Variants in MGAM observed in about 807,000 individuals in gnomAD.
The protein encoded by MGAM is alpha-1,4-glucosidase.
Under a neutral mutation model 358.8 loss-of-function variants are expected in MGAM, and 253 were observed. The observed-to-expected ratio is 0.71, with a 90% CI of 0.64 to 0.78. The LOEUF (loss-of-function observed/expected upper bound fraction) is 0.78. Among genes scored for constraint, MGAM ranks in the 30% least tolerant of loss-of-function variants. The pLI is 0.00. For missense variants in MGAM, 3,080 were observed against 3,432.6 expected, an observed-to-expected ratio of 0.90 and a Z score of 2.57; for synonymous variants, 1,105 against 1,227.1, an observed-to-expected ratio of 0.90 and a Z score of 2.08.
Position 142,025,277 on chromosome 7 carries a change from T to G in MGAM, c.982+128T>G, listed in dbSNP as rs1342105268. 1.6e-5 allele frequency: 11 copies of G among 667,148 alleles called. No individual in the cohort carries two copies. The South Asian group carries it at 1.8e-4, about 11-fold the overall frequency. The allele number at this position is 667,148 out of a possible 1,614,324, so 41.3% of individuals were successfully genotyped here. The stretch of plus-strand genomic sequence containing the variant: ...CATAGTGTAGGGAGGGCCTTATAGA[T>G]TCTCTAATTGTGCTATCCCTACTTC... On this transcript the variant is annotated intron_variant, in intron 8 of 70. Transcript: ENST00000475668.
At chr7:141,997,737 A>G (rs1392506093) in intron 1 of MGAM, among the ~76,000 whole-genome samples, 4 of 152,202 alleles carry the variant, frequency 2.6e-5, no homozygotes, top group Non-Finnish European at 5.9e-5. Context: ...GGCTAGGGTC[A>G]GAGCTGACTC....
rs782083290 is a variant in MGAM, at chr7:142,013,062, C to G, written c.327+4357C>G. 4.6e-5 allele frequency among the ~76,000 whole-genome samples: 7 copies of G among 152,134 alleles called. No homozygotes were observed. In the East Asian group the frequency reaches 1.3e-3, roughly 29 times the overall value. On this transcript the variant is annotated intron_variant, in intron 3 of 70. Coordinates refer to ENST00000475668, the MANE Select transcript of MGAM (RefSeq NM_001365693.1). The stretch of plus-strand genomic sequence containing the variant: ...CAACAGGAACAGCGACAGACTCCAC[C>G]TCTTGACACAAAGTGTGTTAAGAGA...
Position 142,034,812 on chromosome 7 carries a change from C to T in MGAM, c.1930C>T (p.Leu644Phe). ...CCTGAGATGGTCCATCCCTGGCGTG[C>T]TTGAGTTCAACCTTTTTGGCATCCC... ...DDLRWSIPGVLEFNLFGIPMV... is the reference protein window; with the variant it reads ...DDLRWSIPGVFEFNLFGIPMV... The change falls in exon 16 of 71, where the codon CTT becomes TTT. Residue 644 changes from leucine to phenylalanine, a missense_variant. By Grantham distance (22) the Leu-to-Phe change is conservative. Transcript: ENST00000475668. 1 of 1,612,862 alleles carries T rather than the reference C, an allele frequency of 6.2e-7. No individual in the cohort carries two copies. Among genetic ancestry groups the T allele is most frequent in the Non-Finnish European group, 8.5e-7 (1 of 1,179,178 alleles).
intron 4 of MGAM, 32 bp downstream of exon 4, chr7:142,019,351 C>A (rs929713443): frequency 1.9e-6 from 3 of 1,605,952 alleles, no homozygotes; most frequent in Non-Finnish European, 8.5e-7. Flanking sequence ...TGCAGGAGGT[C>A]CAGACCCTCT....
At chr7:142,075,515 TA>T (rs1248918552) in intron 45 of MGAM, among the ~76,000 whole-genome samples, 2 of 146,088 alleles carry the variant, frequency 1.4e-5, no homozygotes, top group Admixed American at 1.4e-4. Context: ...ACAGAATGGA[TA>T]AAAATGTTTG....
chr7:142,049,579 A>C (rs1379220354), intron 22 of MGAM, among the ~76,000 whole-genome samples: 1 of 152,210 alleles, frequency 6.6e-6, no homozygotes, highest in Admixed American at 6.5e-5. Flanking sequence ...TAAAAAAATA[A>C]GGAACTCATG....
Position 142,062,172 on chromosome 7 carries a change from G to C in MGAM, c.4123-396G>C, listed in dbSNP as rs550926857. ...GGAATGACATAGGAGGGAGTCCCTG[G>C]GTGTTTCTTCCTAACCTATTACCAT... On this transcript the variant is annotated intron_variant, in intron 34 of 70. Transcript: ENST00000475668. Among the ~76,000 whole-genome samples the C allele has an allele frequency of 1.2e-4, 18 of 152,210 alleles. No homozygotes were observed. In the East Asian group the frequency reaches 3.5e-3, roughly 29 times the overall value.
At chr7:142,050,200 G>C (rs1810805084) in intron 22 of MGAM, 35 bp from the exon 23 acceptor site, 2 of 1,609,968 alleles carry the variant, frequency 1.2e-6, no homozygotes, top group African/African-American at 2.7e-5. Flanking sequence ...GAGGTGGGCA[G>C]GCCAGAATCT....
intron 2 of MGAM, among the ~76,000 whole-genome samples, chr7:141,987,951 C>T (rs782172146): frequency 1.3e-5 from 2 of 152,070 alleles, no homozygotes; most frequent in Non-Finnish European, 2.9e-5. Flanking sequence ...AAATACCTGC[C>T]TTATCTTAAA....
intron 8 of MGAM, among the ~76,000 whole-genome samples, chr7:142,026,093 A>G (rs1196551518): frequency 2.0e-5 from 3 of 152,130 alleles, no homozygotes; most frequent in African/African-American, 7.2e-5. Flanking sequence ...ACATTGCAAT[A>G]TTTCTTGAGG....
At chr7:142,056,252 T>C (rs963196582) in intron 29 of MGAM, among the ~76,000 whole-genome samples, 156 bp downstream of exon 29, 1 of 152,224 alleles carries the variant, frequency 6.6e-6, no homozygotes, top group African/African-American at 2.4e-5. Flanking sequence ...TCTGTTTATT[T>C]CAATCTAATA....
chr7:142,022,201 T>C, intron 6 of MGAM, 67 bp from the exon 7 acceptor site: 1 of 1,453,150 alleles, frequency 6.9e-7, no homozygotes, highest in Non-Finnish European at 9.3e-7. Context: ...AAGGACGCTT[T>C]TCTAAGCACT....
Position 142,036,808 on chromosome 7 carries a change from C to T in MGAM, c.2077-15C>T. ...TGCAGCCAAACCACAACTGCAAACT[C>T]CTATTTCCTCCCAGGACCAGGATCC... On this transcript the variant is annotated splice_polypyrimidine_tract_variant and intron_variant, in intron 17 of 70. Coordinates refer to ENST00000475668, the MANE Select transcript of MGAM (RefSeq NM_001365693.1). 1 of 1,612,416 alleles carries T rather than the reference C, an allele frequency of 6.2e-7. No homozygotes were observed. The highest frequency in any genetic ancestry group is 8.5e-7 in the Non-Finnish European group (1 of 1,179,034).
In MGAM at chr7:142,031,742, A is replaced by G. The variant is rs1554463854; in HGVS notation, c.1533A>G (p.Thr511=). ...ATCCCAACTGTGCTGTTTGGTGGAC[A>G]AAGGAATTTGAGCTTTTTCACAATC... The part of the protein sequence containing the change: ...YTNPNCAVWW[T]KEFELFHNQV... Residue 511 remains threonine, a synonymous_variant, in exon 13 of 71, where the codon ACA becomes ACG. Transcript: ENST00000475668. 2 of 1,613,370 alleles carry G rather than the reference A, an allele frequency of 1.2e-6. No homozygotes were observed. The highest frequency in any genetic ancestry group is 2.2e-5 in the East Asian group (1 of 44,850).
intron 65 of MGAM, among the ~76,000 whole-genome samples, chr7:142,096,788 A>G (rs1563224586): frequency 6.6e-6 from 1 of 152,208 alleles, no homozygotes; most frequent in Non-Finnish European, 1.5e-5. Context: ...TTGCTTGGCA[A>G]TGTGTGTGTA....
At chr7:142,078,693 A>G in intron 48 of MGAM, 115 bp from the exon 49 acceptor site, 2 of 1,171,454 alleles carry the variant, frequency 1.7e-6, no homozygotes, top group Non-Finnish European at 2.4e-6. Context: ...TTGCCAAGTG[A>G]TAAGTGATAG....
At position 142,040,768 on chromosome 7, in the gene MGAM, C is replaced by A. The variant is rs1563142183; in HGVS notation, c.2420C>A (p.Pro807His). The change falls in exon 21 of 71, where the codon CCT becomes CAT. Residue 807 changes from proline to histidine, a missense_variant. Physicochemically the swap from Pro to His is moderately conservative, Grantham distance 77 (BLOSUM62 -2). Around this residue, in one of 5 missense-constraint regions of MGAM, gnomAD observed 1,816 missense variants for 1,840.5 expected, o/e 0.99. Coordinates refer to ENST00000475668, the MANE Select transcript of MGAM (RefSeq NM_001365693.1). Reference protein sequence around the residue: ...WRKQKVEMELPGDKIGLHLRG... With the variant: ...WRKQKVEMELHGDKIGLHLRG... ...AAGCAAAAAGTCGAGATGGAACTTC[C>A]TGGAGACAAAATTGGACTTCACCTT... 6.2e-7 allele frequency: 1 copy of A among 1,613,282 alleles called. No homozygotes were observed. The highest frequency in any genetic ancestry group is 8.5e-7 in the Non-Finnish European group (1 of 1,179,502).
chr7:142,041,910 TATATACGTATAATA>T (rs1808657907), intron 21 of MGAM, among the ~76,000 whole-genome samples: 1 of 69,286 alleles, frequency 1.4e-5, no homozygotes, highest in Non-Finnish European at 2.3e-5. Context: ...ATATATTATA[TATATACGTATAATA>T]TATAATATAT....
chr7:142,043,760 A>ATG (rs1563151909), intron 21 of MGAM, among the ~76,000 whole-genome samples: 9 of 74,160 alleles, frequency 1.2e-4, no homozygotes, highest in Admixed American at 1.8e-4. Context: ...CATACGACAT[A>ATG]TAATATATAC....
Sources: gnomAD v4.1 joint callset for allele counts (sites outside exome capture counted in the v4.1 genomes callset) on GRCh38, gnomAD v4.1.1 for gene constraint, gnomAD v4.1.1 regional missense constraint, MANE v1.5 for transcripts, NCBI Gene and HGNC (gene_info 2026-07-23, HGNC 2026-07-21) for gene names.